MILR1: variants seen among roughly 807,000 people sequenced by gnomAD.
MILR1 encodes mast cell immunoglobulin like receptor 1.
A neutral mutation model predicts 18.5 loss-of-function variants in MILR1; 31 were observed. The ratio of observed to expected loss-of-function variants is 1.68; its 90% confidence interval spans 1.26 to 2.26. The LOEUF (loss-of-function observed/expected upper bound fraction) is 2.26. Ranked by LOEUF, MILR1 falls within the 30% of genes most tolerant of loss-of-function variation. The pLI is 0.00. For missense variants in MILR1, 257 were observed against 157.4 expected, an observed-to-expected ratio of 1.63 and a Z score of -3.38; for synonymous variants, 85 against 56.2, an observed-to-expected ratio of 1.51 and a Z score of -2.30.
intron 4 of MILR1, among the ~76,000 whole-genome samples, chr17:64,458,080 T>C: frequency 6.6e-6 from 1 of 152,180 alleles, no homozygotes; most frequent in Non-Finnish European, 1.5e-5. Context: ...TTTCTTTGTT[T>C]TTTCATCATT....
chr17:64,480,756 G>A, the MILR1 span, among the ~76,000 whole-genome samples: 3 of 152,146 alleles, frequency 2.0e-5, no homozygotes, highest in Admixed American at 2.0e-4. Flanking sequence ...GCCCTCATCT[G>A]AGAGGTGAGA....
chr17:64,482,846 G>A, the MILR1 span: 50 of 866,396 alleles, frequency 5.8e-5, no homozygotes, highest in Non-Finnish European at 9.5e-5. Context: ...GATCCAAAAT[G>A]GTCCTGGTCC....
chr17:64,465,429 A>G (rs1555662896), intron 5 of MILR1, 23 bp from the exon 6 acceptor site: 5 of 1,527,668 alleles, frequency 3.3e-6, no homozygotes, highest in Non-Finnish European at 3.6e-6. Flanking sequence ...GTTTAATTTG[A>G]TGATTCCTAC....
At chr17:64,493,151 C>T in the MILR1 span, 5 of 1,016,564 alleles carry the variant, frequency 4.9e-6, no homozygotes, top group Admixed American at 7.5e-5. Flanking sequence ...AGCTTGGTGG[C>T]TCACGCCTAT....
chr17:64,455,787 C>T (rs987753287), intron 3 of MILR1, among the ~76,000 whole-genome samples: 3 of 151,886 alleles, frequency 2.0e-5, no homozygotes, highest in African/African-American at 7.3e-5. Context: ...GCCTGTAATC[C>T]CAGCACTTTG....
At chr17:64,479,803 A>G in the MILR1 span, among the ~76,000 whole-genome samples, 2 of 152,210 alleles carry the variant, frequency 1.3e-5, no homozygotes, top group Non-Finnish European at 1.5e-5. Flanking sequence ...GTAGAGAATG[A>G]GGAAGAGGGA....
At chr17:64,460,430 C>T (rs1002864126) in intron 4 of MILR1, among the ~76,000 whole-genome samples, 5 of 152,110 alleles carry the variant, frequency 3.3e-5, no homozygotes, top group South Asian at 4.2e-4. Context: ...CTCCACCTCC[C>T]GGGCTCAAGC....
At chr17:64,469,793 G>A (rs1214777954), downstream of MILR1, among the ~76,000 whole-genome samples, 2 of 152,140 alleles carry the variant, frequency 1.3e-5, no homozygotes, top group South Asian at 2.1e-4. Flanking sequence ...GGAAGAGTGC[G>A]TCCGCAGATG....
the MILR1 span, among the ~76,000 whole-genome samples, chr17:64,487,814 C>T: frequency 0.049 from 7,379 of 152,000 alleles, 244 homozygotes; most frequent in Non-Finnish European, 0.078. Flanking sequence ...CTAGCCTGGG[C>T]AACATGGCAA....
the MILR1 span, among the ~76,000 whole-genome samples, chr17:64,474,239 T>G: frequency 6.6e-6 from 1 of 152,104 alleles, no homozygotes; most frequent in Non-Finnish European, 1.5e-5. Flanking sequence ...CATGCCCAGT[T>G]AATTTTTGTA....
At chr17:64,474,166 C>T in the MILR1 span, among the ~76,000 whole-genome samples, 1 of 152,044 alleles carries the variant, frequency 6.6e-6, no homozygotes, top group Non-Finnish European at 1.5e-5. Context: ...TCTCTGCCTC[C>T]CAGGTCCAAG....
intron 6 of MILR1, 49 bp downstream of exon 6, chr17:64,465,590 T>G: frequency 6.4e-7 from 1 of 1,555,394 alleles, no homozygotes; most frequent in South Asian, 1.2e-5. Context: ...TTTTTGTCTT[T>G]TTATTTTGTT....
intron 2 of MILR1, among the ~76,000 whole-genome samples, chr17:64,449,606 T>A (rs1208567561): frequency 6.6e-6 from 1 of 152,162 alleles, no homozygotes; most frequent in Non-Finnish European, 1.5e-5. Flanking sequence ...CTTTCCTTGT[T>A]ATTGTTGTTT....
chr17:64,481,839 C>T, the MILR1 span, among the ~76,000 whole-genome samples: 28 of 151,826 alleles, frequency 1.8e-4, no homozygotes, highest in East Asian at 2.2e-3. Context: ...CGTGCCACTG[C>T]ACTCCAGCCT....
chr17:64,471,443 G>A (rs1226040109), downstream of MILR1, among the ~76,000 whole-genome samples: 1 of 152,108 alleles, frequency 6.6e-6, no homozygotes, highest in Non-Finnish European at 1.5e-5. Context: ...TTCCAAGCAG[G>A]CTTACCTCAG....
chr17:64,473,224 A>T, downstream of MILR1, among the ~76,000 whole-genome samples: 1 of 151,796 alleles, frequency 6.6e-6, no homozygotes, highest in East Asian at 1.9e-4. Context: ...GGTGGCGGGC[A>T]CCTGTAGTCC....
chr17:64,474,145 G>A, the MILR1 span, among the ~76,000 whole-genome samples: 31 of 152,180 alleles, frequency 2.0e-4, no homozygotes, highest in Non-Finnish European at 3.8e-4. Flanking sequence ...CATGATCTTG[G>A]CTCACTGCAA....
chr17:64,453,270 T>C (rs2037215463), intron 3 of MILR1, among the ~76,000 whole-genome samples: 1 of 151,914 alleles, frequency 6.6e-6, no homozygotes, highest in African/African-American at 2.4e-5. Flanking sequence ...GGTTTCACCA[T>C]GTTGGTCAGG....
At chr17:64,474,802 T>C in the MILR1 span, among the ~76,000 whole-genome samples, 3 of 152,064 alleles carry the variant, frequency 2.0e-5, no homozygotes, top group Non-Finnish European at 2.9e-5. Flanking sequence ...GGTGTCCACT[T>C]TTTTCCAATA....
Sources: gnomAD v4.1 joint callset for allele counts (sites outside exome capture counted in the v4.1 genomes callset) on GRCh38, gnomAD v4.1.1 for gene constraint, MANE v1.5 for transcripts, NCBI Gene and HGNC (gene_info 2026-07-23, HGNC 2026-07-21) for gene names.